Variants in GRM8 observed in about 807,000 individuals in gnomAD.
The protein encoded by GRM8 is metabotropic glutamate receptor 8.
A neutral mutation model predicts 87.2 loss-of-function variants in GRM8; 47 were observed. The observed-to-expected ratio is 0.54, with a 90% CI of 0.43 to 0.69. The LOEUF (loss-of-function observed/expected upper bound fraction) is 0.69. GRM8 is among the 30% of genes least tolerant of loss of function. GRM8 has a pLI of 0.00. For synonymous variants in GRM8, 396 were observed against 404.5 expected (o/e 0.98, Z 0.25); for missense variants, 1,019 against 1,139.2 (o/e 0.89, Z 1.52).
chr7:126,555,883 G>T (rs574103519), intron 8 of GRM8, among the ~76,000 whole-genome samples: 1 of 152,270 alleles, frequency 6.6e-6, no homozygotes, highest in East Asian at 1.9e-4. Flanking sequence ...CCCATGAAAA[G>T]AAATTTGATT....
chr7:126,916,053 A>G (rs2131326797), intron 3 of GRM8, among the ~76,000 whole-genome samples: 1 of 152,336 alleles, frequency 6.6e-6, no homozygotes, highest in African/African-American at 2.4e-5. Flanking sequence ...TTCAAAAGAG[A>G]AAGCTAACTC....
intron 6 of GRM8, among the ~76,000 whole-genome samples, chr7:126,845,910 A>C (rs1252852423): frequency 6.6e-6 from 1 of 151,868 alleles, no homozygotes; most frequent in East Asian, 1.9e-4. Context: ...AGAGAAGGAG[A>C]TGGGGAAAAA....
chr7:126,839,767 C>T (rs562450749), intron 6 of GRM8, among the ~76,000 whole-genome samples: 41 of 152,238 alleles, frequency 2.7e-4, no homozygotes, highest in South Asian at 1.2e-3. Context: ...TGACTCTGTT[C>T]CCAAAACTCT....
At chr7:126,820,521 C>A (rs935967170) in intron 6 of GRM8, among the ~76,000 whole-genome samples, 4 of 152,152 alleles carry the variant, frequency 2.6e-5, no homozygotes, top group Non-Finnish European at 5.9e-5. Context: ...ATTTTTCTGG[C>A]ACCCACCTGA....
At chr7:127,071,694 A>G (rs1821706739) in intron 3 of GRM8, among the ~76,000 whole-genome samples, 1 of 152,186 alleles carries the variant, frequency 6.6e-6, no homozygotes, top group Non-Finnish European at 1.5e-5. Context: ...ACTGTAACTC[A>G]AAAGATAATG....
intron 7 of GRM8, among the ~76,000 whole-genome samples, chr7:126,659,200 T>C (rs1281950221): frequency 6.6e-6 from 1 of 152,182 alleles, no homozygotes; most frequent in Non-Finnish European, 1.5e-5. Flanking sequence ...TGTTTCCATC[T>C]TTCTATAATT....
intron 2 of GRM8, among the ~76,000 whole-genome samples, chr7:127,219,077 G>A (rs563604233): frequency 3.3e-5 from 5 of 152,324 alleles, no homozygotes; most frequent in African/African-American, 1.2e-4. Context: ...ATAAAAGCAT[G>A]AGTGATAACA....
chr7:127,045,355 A>G (rs980079212), intron 3 of GRM8, among the ~76,000 whole-genome samples: 4 of 150,650 alleles, frequency 2.7e-5, no homozygotes, highest in African/African-American at 9.8e-5. Flanking sequence ...GATCTATCAT[A>G]TATCCCAATA....
At position 126,943,124 on chromosome 7, in the gene GRM8, G is replaced by C. The variant is rs373324714; in HGVS notation, c.728-38441C>G. On this transcript the variant is annotated intron_variant, in intron 3 of 10. Transcript: ENST00000339582. ...GCAAGATTCTAGATTTTATCAGATC[G>C]GCAGGTGTAAGGGAATCCTGGACCC... Among the ~76,000 whole-genome samples, 3 of 152,254 alleles carry C rather than the reference G, an allele frequency of 2.0e-5. No individual in the cohort carries two copies. The South Asian group carries it at 6.2e-4, about 32-fold the overall frequency.
chr7:127,217,540 T>C (rs1330412658), intron 2 of GRM8, among the ~76,000 whole-genome samples: 2 of 152,212 alleles, frequency 1.3e-5, no homozygotes, highest in East Asian at 1.9e-4. Flanking sequence ...GGTGGCCAAA[T>C]ATCAAAGTCC....
At chr7:126,987,741 G>A (rs1210762817) in intron 3 of GRM8, among the ~76,000 whole-genome samples, 1 of 152,172 alleles carries the variant, frequency 6.6e-6, no homozygotes, top group Non-Finnish European at 1.5e-5. Context: ...GGGATTACAG[G>A]CGTGAGCCAC....
At chr7:126,482,484 C>G (rs1806810221) in intron 9 of GRM8, among the ~76,000 whole-genome samples, 1 of 151,958 alleles carries the variant, frequency 6.6e-6, no homozygotes, top group African/African-American at 2.4e-5. Context: ...AAAGGAAACT[C>G]TGACATACAC....
At chr7:126,507,254 C>G (rs554395467) in intron 9 of GRM8, among the ~76,000 whole-genome samples, 4 of 152,116 alleles carry the variant, frequency 2.6e-5, no homozygotes, top group Non-Finnish European at 4.4e-5. Context: ...AGAAGCCAGA[C>G]AGCATGTCTT....
At chr7:126,820,216 A>G (rs912556487) in intron 6 of GRM8, among the ~76,000 whole-genome samples, 1 of 152,244 alleles carries the variant, frequency 6.6e-6, no homozygotes, top group Non-Finnish European at 1.5e-5. Flanking sequence ...AAATACACCT[A>G]TTGAATAAAT....
chr7:127,120,795 C>T (rs1827043417), intron 2 of GRM8, among the ~76,000 whole-genome samples: 2 of 152,184 alleles, frequency 1.3e-5, no homozygotes, highest in South Asian at 2.1e-4. Flanking sequence ...CTAGGATGAA[C>T]ATCTCCTGAT....
intron 3 of GRM8, among the ~76,000 whole-genome samples, chr7:126,923,876 A>G (rs73723528): frequency 0.025 from 3,818 of 152,258 alleles, 153 homozygotes; most frequent in African/African-American, 0.086. Context: ...TTCTTGGCAA[A>G]GTCTGAACTA....
At chr7:126,498,467 T>C (rs1809111858) in intron 9 of GRM8, among the ~76,000 whole-genome samples, 1 of 151,888 alleles carries the variant, frequency 6.6e-6, no homozygotes, top group African/African-American at 2.4e-5. Flanking sequence ...GAGTACCTGG[T>C]TTCCAGGGTA....
At chr7:126,747,308 C>T (rs1436131843) in intron 7 of GRM8, among the ~76,000 whole-genome samples, 6 of 152,092 alleles carry the variant, frequency 3.9e-5, no homozygotes, top group East Asian at 1.9e-4. Context: ...ACCACATTTA[C>T]ATTTGATTTT....
intron 6 of GRM8, among the ~76,000 whole-genome samples, chr7:126,843,020 A>G (rs1303916822): frequency 6.6e-6 from 1 of 152,242 alleles, no homozygotes; most frequent in African/African-American, 2.4e-5. Flanking sequence ...TTTAATTTGC[A>G]AACAATTGTT....
Sources: allele counts gnomAD v4.1 joint callset (sites outside exome capture counted in the v4.1 genomes callset), GRCh38; gene constraint gnomAD v4.1.1; transcripts MANE v1.5; gene names NCBI Gene and HGNC (gene_info 2026-07-23, HGNC 2026-07-21).